LGR6: variants seen among roughly 807,000 people sequenced by gnomAD.
LGR6 encodes the protein leucine-rich repeat-containing G protein-coupled receptor 6.
Under a neutral mutation model 69.4 loss-of-function variants are expected in LGR6, and 45 were observed. That is an observed-to-expected ratio of 0.65 (90% CI 0.51 to 0.83). The LOEUF (loss-of-function observed/expected upper bound fraction) is 0.83. Ranked by LOEUF, LGR6 falls within the 40% of genes least tolerant of loss-of-function variation. The pLI is 0.00. For synonymous variants in LGR6, 538 were observed against 555.0 expected, an observed-to-expected ratio of 0.97 and a Z score of 0.43; for missense variants, 1,108 against 1,246.7, an observed-to-expected ratio of 0.89 and a Z score of 1.68.
In LGR6 at chr1:202,311,104, G is replaced by A. The variant is rs575373770; in HGVS notation, c.1567+747G>A. Among the ~76,000 whole-genome samples the A allele has an allele frequency of 1.4e-4, 22 of 152,118 alleles. No homozygotes were observed. The East Asian group carries it at 2.9e-3, about 20-fold the overall frequency. Reference sequence around the variant, plus strand: ...AAAGGGCTTCCCTCTCCCCCTGCCCGTATTACAGAACACAAGCAGAATTAG... The same window carrying A: ...AAAGGGCTTCCCTCTCCCCCTGCCCATATTACAGAACACAAGCAGAATTAG... On this transcript the variant is annotated intron_variant, in intron 16 of 17. Transcript: ENST00000367278.
At chr1:202,269,384 G>T (rs1332402088) in intron 4 of LGR6, among the ~76,000 whole-genome samples, 1 of 152,172 alleles carries the variant, frequency 6.6e-6, no homozygotes, top group African/African-American at 2.4e-5. Flanking sequence ...AAGAAAGCTG[G>T]CTAGGGGCTC....
At chr1:202,209,891 T>C (rs1487455074) in intron 1 of LGR6, among the ~76,000 whole-genome samples, 1 of 152,180 alleles carries the variant, frequency 6.6e-6, no homozygotes, top group Non-Finnish European at 1.5e-5. Context: ...GGACAGCCAC[T>C]CTCTACTCCA....
intron 17 of LGR6, among the ~76,000 whole-genome samples, chr1:202,316,921 G>C (rs779557156): frequency 1.3e-5 from 2 of 152,130 alleles, no homozygotes; most frequent in African/African-American, 4.8e-5. Flanking sequence ...CACGCATCTC[G>C]TGTGGACCTA....
chr1:202,214,109 C>A (rs995634952), intron 1 of LGR6: 4 of 1,425,792 alleles, frequency 2.8e-6, no homozygotes. Context: ...CGGAGGGTGG[C>A]GGGCACTGGA....
intron 4 of LGR6, among the ~76,000 whole-genome samples, chr1:202,244,359 G>T (rs1223564705): frequency 6.6e-6 from 1 of 152,130 alleles, no homozygotes; most frequent in Non-Finnish European, 1.5e-5. Context: ...GTATGCTAGG[G>T]CTGCCTTAAC....
chr1:202,195,628 C>T (rs370196462), intron 1 of LGR6, among the ~76,000 whole-genome samples: 2 of 152,204 alleles, frequency 1.3e-5, no homozygotes, highest in African/African-American at 4.8e-5. Flanking sequence ...GCTCCGGCCC[C>T]ACCCTACACA....
At chr1:202,256,929 G>A (rs935802707) in intron 4 of LGR6, among the ~76,000 whole-genome samples, 9 of 152,102 alleles carry the variant, frequency 5.9e-5, no homozygotes, top group Non-Finnish European at 1.3e-4. Context: ...GTGGTATCTC[G>A]TTGTGGTTCT....
chr1:202,294,403 T>C (rs992295666), intron 6 of LGR6, among the ~76,000 whole-genome samples: 3 of 152,214 alleles, frequency 2.0e-5, no homozygotes, highest in African/African-American at 7.2e-5. Flanking sequence ...ACTTTATTAT[T>C]CTTCATGAAT....
chr1:202,292,900 A>C (rs1263529415), intron 6 of LGR6, among the ~76,000 whole-genome samples: 1 of 152,238 alleles, frequency 6.6e-6, no homozygotes, highest in East Asian at 1.9e-4. Context: ...TGGTCAGTGC[A>C]GCTATGGAGA....
intron 5 of LGR6, among the ~76,000 whole-genome samples, chr1:202,278,121 T>C (rs1392381100): frequency 6.6e-6 from 1 of 152,068 alleles, no homozygotes; most frequent in Non-Finnish European, 1.5e-5. Flanking sequence ...AGGCAAGGGT[T>C]AAAAGGGAGT....
At chr1:202,278,328 CAAG>C (rs1665747689) in intron 5 of LGR6, among the ~76,000 whole-genome samples, 1 of 151,698 alleles carries the variant, frequency 6.6e-6, no homozygotes, top group South Asian at 2.1e-4. Flanking sequence ...GGTAGAAGAC[CAAG>C]AAGAAGGGGA....
At chr1:202,239,346 T>G (rs1373040500) in intron 4 of LGR6, among the ~76,000 whole-genome samples, 2 of 17,188 alleles carry the variant, frequency 1.2e-4, no homozygotes, top group East Asian at 2.7e-3. Context: ...GTGTGTGTGG[T>G]GTGTGTGTGT....
intron 4 of LGR6, among the ~76,000 whole-genome samples, chr1:202,257,379 C>T (rs1663859877): frequency 1.3e-5 from 2 of 152,100 alleles, no homozygotes; most frequent in South Asian, 2.1e-4. Flanking sequence ...ATTACCTAAT[C>T]CGAGGTCAGA....
chr1:202,249,090 G>A (rs1359444366), intron 4 of LGR6, among the ~76,000 whole-genome samples: 2 of 152,070 alleles, frequency 1.3e-5, no homozygotes, highest in South Asian at 2.1e-4. Context: ...ACCACTCACC[G>A]AGGCTCCACT....
At chr1:202,222,367 C>T (rs1402950854) in intron 1 of LGR6, among the ~76,000 whole-genome samples, 1 of 152,022 alleles carries the variant, frequency 6.6e-6, no homozygotes, top group Non-Finnish European at 1.5e-5. Flanking sequence ...CCCTCCTCCG[C>T]AGGGGAGAAC....
chr1:202,311,805 G>A (rs920013129), intron 16 of LGR6, among the ~76,000 whole-genome samples: 10 of 152,222 alleles, frequency 6.6e-5, no homozygotes, highest in Admixed American at 1.3e-4. Flanking sequence ...ACATGTATAG[G>A]GAGAGTGCAA....
intron 14 of LGR6, 44 bp downstream of exon 14, chr1:202,307,445 CG>C: frequency 1.3e-6 from 2 of 1,588,062 alleles, no homozygotes; most frequent in Non-Finnish European, 1.7e-6. Context: ...GGGGGCCAGT[CG>C]GGACTATGGG....
chr1:202,202,001 T>A (rs997123313), intron 1 of LGR6, among the ~76,000 whole-genome samples: 4 of 152,060 alleles, frequency 2.6e-5, no homozygotes, highest in Non-Finnish European at 5.9e-5. Context: ...TATCAGATAA[T>A]CCTGGGAGCA....
intron 4 of LGR6, among the ~76,000 whole-genome samples, chr1:202,269,976 A>T (rs1453617861): frequency 6.6e-6 from 1 of 152,196 alleles, no homozygotes; most frequent in Non-Finnish European, 1.5e-5. Flanking sequence ...CAGACCCCTG[A>T]ATCTGTCCCC....
Sources: gnomAD v4.1 joint callset for allele counts (sites outside exome capture counted in the v4.1 genomes callset) on GRCh38, gnomAD v4.1.1 for gene constraint, MANE v1.5 for transcripts, NCBI Gene and HGNC (gene_info 2026-07-23, HGNC 2026-07-21) for gene names.